The following TAF4B variants were observed in gnomAD, a reference collection of about 807,000 sequenced individuals.
TAF4B encodes the protein transcription initiation factor TFIID subunit 4B.
TAF4B carries 38 observed loss-of-function variants against 86.4 expected under a neutral mutation model. The ratio of observed to expected loss-of-function variants is 0.44; its 90% CI spans 0.34 to 0.58. The LOEUF (loss-of-function observed/expected upper bound fraction) is 0.58, where lower values mean the gene tolerates loss of function less well. Among genes scored for constraint, TAF4B ranks in the 20% least tolerant of loss-of-function variants. The pLI is 0.02. For synonymous variants in TAF4B, 388 were observed against 391.2 expected (o/e 0.99, Z 0.10); for missense variants, 988 against 1,027.6 (o/e 0.96, Z 0.53).
In TAF4B at chr18:26,377,318, A is replaced by G. The variant is rs554479056; in HGVS notation, c.2422-12527A>G. 1.6e-4 allele frequency among the ~76,000 whole-genome samples: 24 copies of G among 152,286 alleles called. No individual in the cohort carries two copies. In the South Asian group the frequency reaches 5.0e-3, roughly 32 times the overall value. On this transcript the variant is annotated intron_variant, in intron 14 of 14. Coordinates refer to ENST00000269142, the MANE Select transcript of TAF4B (RefSeq NM_005640.3). ...GCCATCTGGCCCTGTGCTCTTTGGG[A>G]AAACTTTATTGATTACGATTCAATC...
At chr18:26,342,952 T>G (rs1311057086) in intron 13 of TAF4B, among the ~76,000 whole-genome samples, 1 of 152,236 alleles carries the variant, frequency 6.6e-6, no homozygotes, top group Non-Finnish European at 1.5e-5. Flanking sequence ...GTCAGAATTC[T>G]GGCTATTAAA....
chr18:26,379,569 A>G (rs1483066901), intron 14 of TAF4B, among the ~76,000 whole-genome samples: 3 of 152,098 alleles, frequency 2.0e-5, no homozygotes, highest in African/African-American at 7.2e-5. Flanking sequence ...TATTTATGCC[A>G]TACTACAATC....
intron 2 of TAF4B, 88 bp from the exon 3 acceptor site, chr18:26,267,428 A>G: frequency 1.2e-6 from 1 of 855,142 alleles, no homozygotes; most frequent in Non-Finnish European, 2.0e-6. Flanking sequence ...ATTTGCTGTC[A>G]TAAAGTGTTC....
intron 9 of TAF4B, among the ~76,000 whole-genome samples, chr18:26,314,107 T>G (rs945316562): frequency 6.6e-6 from 1 of 152,232 alleles, no homozygotes; most frequent in African/African-American, 2.4e-5. Context: ...ATTTCCTTTT[T>G]CTGTGCACAG....
At chr18:26,302,569 T>G (rs2056747528) in intron 9 of TAF4B, among the ~76,000 whole-genome samples, 1 of 151,840 alleles carries the variant, frequency 6.6e-6, no homozygotes, top group Non-Finnish European at 1.5e-5. Context: ...CGCTTTGTTG[T>G]CCAGGCTGGT....
chr18:26,301,542 ACT>A (rs1190517405), intron 9 of TAF4B, among the ~76,000 whole-genome samples: 3 of 151,664 alleles, frequency 2.0e-5, no homozygotes. Context: ...GATCCTCCTG[ACT>A]CAGCCTTCCA....
intron 13 of TAF4B, among the ~76,000 whole-genome samples, chr18:26,336,278 T>G (rs777474653): frequency 2.0e-5 from 3 of 152,236 alleles, no homozygotes; most frequent in Non-Finnish European, 2.9e-5. Context: ...TTCCCTTAAC[T>G]GTGCCTCTTG....
At chr18:26,256,769 T>C (rs1268125799) in intron 1 of TAF4B, among the ~76,000 whole-genome samples, 1 of 152,036 alleles carries the variant, frequency 6.6e-6, no homozygotes, top group Non-Finnish European at 1.5e-5. Flanking sequence ...CATTGACCCA[T>C]TGGTTACTTA....
chr18:26,335,374 G>A, intron 13 of TAF4B, 143 bp downstream of exon 13: 1 of 680,362 alleles, frequency 1.5e-6, no homozygotes, highest in South Asian at 1.9e-5. Flanking sequence ...CTAAAGGCAA[G>A]GGCAGTACTT....
chr18:26,351,967 C>T (rs185720948), intron 13 of TAF4B, among the ~76,000 whole-genome samples: 1 of 152,124 alleles, frequency 6.6e-6, no homozygotes, highest in African/African-American at 2.4e-5. Flanking sequence ...TGATGCTGAG[C>T]AGATTGAAAA....
intron 9 of TAF4B, among the ~76,000 whole-genome samples, chr18:26,298,074 G>T (rs1350031594): frequency 7.8e-6 from 1 of 127,592 alleles, no homozygotes; most frequent in Non-Finnish European, 1.6e-5. Context: ...TTCTGGTTTG[G>T]TATGTAGTTG....
intron 1 of TAF4B, among the ~76,000 whole-genome samples, chr18:26,239,882 G>A (rs2055810465): frequency 6.6e-6 from 1 of 152,112 alleles, no homozygotes; most frequent in South Asian, 2.1e-4. Context: ...AGGTTTGTCA[G>A]AGATCAGATG....
chr18:26,230,840 G>A (rs1200081285), intron 1 of TAF4B, among the ~76,000 whole-genome samples: 1 of 152,040 alleles, frequency 6.6e-6, no homozygotes, highest in Non-Finnish European at 1.5e-5. Flanking sequence ...TTGAATGTAG[G>A]CATATATGGA....
intron 6 of TAF4B, among the ~76,000 whole-genome samples, chr18:26,284,913 A>G (rs1290747911): frequency 6.6e-6 from 1 of 152,200 alleles, no homozygotes; most frequent in Non-Finnish European, 1.5e-5. Context: ...TTCAGATCGT[A>G]AAATTCACTT....
chr18:26,315,095 A>ACTCTCTCTCACTCTCTCT (rs2056888535), intron 9 of TAF4B, 134 bp from the exon 10 acceptor site: 1 of 215,984 alleles, frequency 4.6e-6, no homozygotes, highest in East Asian at 1.0e-4. Flanking sequence ...GCTCTCTGAA[A>ACTCTCTCTCACTCTCTCT]CTCTCTCTCT....
intron 13 of TAF4B, among the ~76,000 whole-genome samples, chr18:26,338,245 C>T (rs150780725): frequency 0.01 from 1,531 of 151,952 alleles, 12 homozygotes; most frequent in African/African-American, 0.034. Context: ...CTTAGGAGTT[C>T]GAGACCAGCC....
intron 14 of TAF4B, among the ~76,000 whole-genome samples, chr18:26,384,426 G>A (rs1478955906): frequency 1.3e-5 from 2 of 152,194 alleles, no homozygotes; most frequent in African/African-American, 2.4e-5. Context: ...TTTGAGGGGT[G>A]TAAGAAAAAC....
chr18:26,230,911 A>G (rs1274386371), intron 1 of TAF4B, among the ~76,000 whole-genome samples: 3 of 151,944 alleles, frequency 2.0e-5, no homozygotes, highest in Non-Finnish European at 4.4e-5. Flanking sequence ...CACACATATC[A>G]GTGTGTTGAG....
intron 6 of TAF4B, among the ~76,000 whole-genome samples, chr18:26,282,474 A>C (rs74395493): frequency 0.019 from 2,914 of 152,312 alleles, 81 homozygotes; most frequent in African/African-American, 0.067. Context: ...TATTTGAAAA[A>C]ACAATTACAT....
Sources: allele counts gnomAD v4.1 joint callset (sites outside exome capture counted in the v4.1 genomes callset), GRCh38; gene constraint gnomAD v4.1.1; transcripts MANE v1.5; gene names NCBI Gene and HGNC (gene_info 2026-07-23, HGNC 2026-07-21).